Variants in KDM3A observed in about 807,000 individuals in gnomAD.
KDM3A encodes lysine-specific demethylase 3A.
KDM3A carries 60 observed loss-of-function variants against 158.0 expected under a neutral mutation model. That is an observed-to-expected ratio of 0.38 (90% confidence interval 0.31 to 0.47). KDM3A has a LOEUF of 0.47. KDM3A is among the 20% of genes least tolerant of loss of function. KDM3A has a pLI of 0.99. For synonymous variants in KDM3A, 608 were observed against 549.3 expected (o/e 1.11, Z -1.49); for missense variants, 1,319 against 1,574.3 (o/e 0.84, Z 2.74).
At chr2:86,438,954 T>C (rs1471935888), upstream of KDM3A, among the ~76,000 whole-genome samples, 1 of 152,076 alleles carries the variant, frequency 6.6e-6, no homozygotes, top group East Asian at 1.9e-4. Context: ...ATTCCATTTA[T>C]TGTTAATAAT....
chr2:86,466,437 G>A lies in KDM3A; in HGVS notation c.1073G>A (p.Arg358Lys), dbSNP rs1353646293. The change falls in exon 10 of 26, where the codon AGA (arginine) becomes AAA (lysine). Residue 358 changes from arginine to lysine, a missense_variant. Around this residue, in one of 4 missense-constraint regions of KDM3A, gnomAD observed 652 missense variants for 627.2 expected, o/e 1.04. Transcript: ENST00000312912. ...CTAAATACAAAGTCTGAAGCTCTGA[G>A]AACAAAACCAGATGTCTGCAAAGCA... ...SCLNTKSEAL[R>K]TKPDVCKAGL... 6.2e-7 allele frequency: 1 copy of A among 1,613,806 alleles called. No homozygotes were observed. Among genetic ancestry groups the A allele is most frequent in the Admixed American group, 1.7e-5 (1 of 59,990 alleles).
rs1054175210 is a variant in KDM3A, at chr2:86,441,409, G to C, written c.-66G>C. ...AGTCGGCTAGGCGGCTGGAAACGGC[G>C]GCTGCCGCCGGTGACTCAGGGAGGC... On this transcript the variant is annotated 5_prime_UTR_variant, in exon 1 of 26. Transcript: ENST00000312912. 6.6e-6 allele frequency: 1 copy of C among 152,358 alleles called. No homozygotes were observed. Among genetic ancestry groups the C allele is most frequent in the Non-Finnish European group, 1.5e-5 (1 of 68,174 alleles). The allele number at this position is 152,358 out of a possible 1,614,324, so 9.4% of individuals were successfully genotyped here.
At position 86,442,021 on chromosome 2, in the gene KDM3A, G is replaced by A. The variant is rs1319718763; in HGVS notation, c.-27G>A. ...TTTTGTTTTTGTGTTTTTGCAGGGA[G>A]GAGCTCTTCCTGCAGGCGTGGAAAC... On this transcript the variant is annotated 5_prime_UTR_variant, in exon 2 of 26. Transcript: ENST00000312912. 1.2e-6 allele frequency: 2 copies of A among 1,612,944 alleles called. No homozygotes were observed. Among genetic ancestry groups the A allele is most frequent in the Non-Finnish European group, 1.7e-6 (2 of 1,179,474 alleles).
chr2:86,457,671 G>T (rs1282090328), intron 8 of KDM3A, among the ~76,000 whole-genome samples: 3 of 152,154 alleles, frequency 2.0e-5, no homozygotes, highest in Non-Finnish European at 4.4e-5. Flanking sequence ...TCAATGCCTG[G>T]CATGAAAAGA....
chr2:86,459,830 A>C (rs1672855855), intron 8 of KDM3A, among the ~76,000 whole-genome samples: 1 of 152,164 alleles, frequency 6.6e-6, no homozygotes, highest in African/African-American at 2.4e-5. Flanking sequence ...ATTGTTGGGC[A>C]CATTAGAAGC....
At chr2:86,466,984 G>T in intron 10 of KDM3A, 101 bp downstream of exon 10, 1 of 1,000,482 alleles carries the variant, frequency 1.0e-6, no homozygotes, top group Non-Finnish European at 1.4e-6. Flanking sequence ...TGACTTTGTA[G>T]AAATAGTTTA....
At position 86,464,055 on chromosome 2, in the gene KDM3A, C is replaced by T. The variant is rs952218558; in HGVS notation, c.846C>T (p.Ala282=). 12 of 1,565,482 alleles carry T rather than the reference C, an allele frequency of 7.7e-6. No homozygotes were observed. The highest frequency in any genetic ancestry group is 1.0e-5 in the Non-Finnish European group (12 of 1,153,818). The change falls in exon 9 of 26, where the codon GCC becomes GCT. Residue 282 remains alanine, a splice_region_variant and synonymous_variant. Coordinates refer to ENST00000312912, the MANE Select transcript of KDM3A (RefSeq NM_018433.6). ...TCTGTTGGTTTGGTATCTTCTAGGCCTCTCCCAGTATGTGTCCTGTGCAGT... is the reference window on the plus strand; with the variant it reads ...TCTGTTGGTTTGGTATCTTCTAGGCTTCTCCCAGTATGTGTCCTGTGCAGT... The part of the protein sequence containing the change: ...VSKQAKSCSE[A]SPSMCPVQSV...
At chr2:86,440,094 A>G (rs1474330072), upstream of KDM3A, among the ~76,000 whole-genome samples, 1 of 152,026 alleles carries the variant, frequency 6.6e-6, no homozygotes, top group Non-Finnish European at 1.5e-5. Flanking sequence ...TCTCGTTCCC[A>G]TTTCTGCCTT....
intron 9 of KDM3A, among the ~76,000 whole-genome samples, chr2:86,464,868 T>G (rs1398618199): frequency 3.3e-5 from 5 of 152,072 alleles, no homozygotes; most frequent in Non-Finnish European, 7.4e-5. Flanking sequence ...AGAGAGACTG[T>G]GGTATAGAAA....
chr2:86,485,618 A>G (rs1674141903), intron 20 of KDM3A, 111 bp from the exon 21 acceptor site: 6 of 1,282,532 alleles, frequency 4.7e-6, no homozygotes, highest in South Asian at 2.7e-5. Flanking sequence ...GTCAGTCTGC[A>G]TGATCACAGA....
chr2:86,439,719 C>G (rs1682581464), upstream of KDM3A, among the ~76,000 whole-genome samples: 1 of 152,134 alleles, frequency 6.6e-6, no homozygotes, highest in South Asian at 2.1e-4. Context: ...TCTCATCGTT[C>G]ATAGCGTCAC....
At chr2:86,473,496 G>C (rs1459659145) in intron 11 of KDM3A, among the ~76,000 whole-genome samples, 10 of 152,170 alleles carry the variant, frequency 6.6e-5, no homozygotes, top group Non-Finnish European at 1.5e-5. Flanking sequence ...TGTAATCGAA[G>C]CACTTCAGGA....
chr2:86,487,684 T>C (rs1364234165), intron 21 of KDM3A: 4 of 152,340 alleles, frequency 2.6e-5, no homozygotes. Context: ...CCCTACTGTT[T>C]CAGCTTTTTT....
At position 86,449,970 on chromosome 2, in the gene KDM3A, A is replaced by G. The variant is rs1340215809; in HGVS notation, c.342+8A>G. On this transcript the variant is annotated splice_region_variant and intron_variant, in intron 3 of 25. Coordinates refer to ENST00000312912, the MANE Select transcript of KDM3A (RefSeq NM_018433.6). The stretch of plus-strand genomic sequence containing the variant: ...GTACAGTGGCCTGCAATAGTGAGTA[A>G]AACTTGGGCTTATTGAACTCCTGAG... 1.2e-6 allele frequency: 2 copies of G among 1,605,256 alleles called. No individual in the cohort carries two copies. The highest frequency in any genetic ancestry group is 2.7e-5 in the African/African-American group (2 of 74,288).
intron 2 of KDM3A, among the ~76,000 whole-genome samples, chr2:86,444,859 A>T (rs2104619863): frequency 6.6e-6 from 1 of 152,308 alleles, no homozygotes; most frequent in South Asian, 2.1e-4. Flanking sequence ...TACTTAGATG[A>T]CAAAAAGAGA....
intron 21 of KDM3A, 56 bp downstream of exon 21, chr2:86,485,915 A>C: frequency 3.2e-6 from 5 of 1,575,182 alleles, no homozygotes; most frequent in Non-Finnish European, 4.4e-6. Flanking sequence ...AAATGTTTGG[A>C]AAATTGATTT....
chr2:86,480,010 G>A (rs1227412923), intron 15 of KDM3A, 157 bp from the exon 16 acceptor site: 2 of 624,190 alleles, frequency 3.2e-6, no homozygotes, highest in Non-Finnish European at 5.7e-6. Context: ...TACTAGTGCG[G>A]GATTACTGCA....
Position 86,488,933 on chromosome 2 carries a change from ATG to A in KDM3A, c.3314-374_3314-373del, listed in dbSNP as rs200117124. On this transcript the variant is annotated intron_variant, in intron 21 of 25. Transcript: ENST00000312912. ...GATAGCCATTTGACGTTCCAGGTTT[ATG>A]TGTGTGTGTGGGTGGGTGCTTTCCC... 615 of 187,260 alleles carry A rather than the reference ATG, an allele frequency of 3.3e-3. 14 individuals are homozygous for A. The highest frequency in any genetic ancestry group is 0.027 in the Admixed American group (490 of 18,388). 11.6% of individuals were successfully genotyped at this position (187,260 alleles called of 1,614,324 possible). A position where few individuals can be genotyped will look rare whatever the true frequency, so the allele number is the denominator to read the frequency against.
At position 86,456,459 on chromosome 2, in the gene KDM3A, G is replaced by C. The variant is rs755729208; in HGVS notation, c.574G>C (p.Gly192Arg). The change falls in exon 6 of 26, where the codon GGT (glycine) becomes CGT (arginine). Residue 192 changes from glycine (G) to arginine (R), a missense_variant. Coordinates refer to ENST00000312912, the MANE Select transcript of KDM3A (RefSeq NM_018433.6). ...HLLKGDKNLV[G>R]SEVKIYSLDP... ...TTTTTAAGGTGACAAAAACTTAGTT[G>C]GTTCAGAAGTAAAAATTTATAGCTT... is the stretch of plus-strand genomic sequence containing the variant. 2.8e-6 allele frequency: 4 copies of C among 1,432,258 alleles called. No individual in the cohort carries two copies. The East Asian group carries it at 1.0e-4, about 37-fold the overall frequency. The allele number at this position is 1,432,258 out of a possible 1,614,324, so 88.7% of individuals were successfully genotyped here.
Sources: gnomAD v4.1 joint callset for allele counts (sites outside exome capture counted in the v4.1 genomes callset) on GRCh38, gnomAD v4.1.1 for gene constraint, gnomAD v4.1.1 regional missense constraint, MANE v1.5 for transcripts, NCBI Gene and HGNC (gene_info 2026-07-23, HGNC 2026-07-21) for gene names.